The following IL1RAPL2 variants were observed in gnomAD, a reference collection of about 807,000 sequenced individuals.
IL1RAPL2 encodes the protein interleukin 1 receptor accessory protein like 2, also known as X-linked interleukin-1 receptor accessory protein-like 2.
A neutral mutation model predicts 44.1 loss-of-function variants in IL1RAPL2; 3 were observed. The ratio of observed to expected loss-of-function variants is 0.07; its 90% CI spans 0.03 to 0.18. The LOEUF (loss-of-function observed/expected upper bound fraction) is 0.18, where lower values mean the gene tolerates loss of function less well. Among genes scored for constraint, IL1RAPL2 ranks in the 10% least tolerant of loss-of-function variants. The probability of loss-of-function intolerance (pLI) is 1.00; values close to 1 mark genes in which losing one functional copy is unlikely to be tolerated. For missense variants in IL1RAPL2, 391 were observed against 496.4 expected (o/e 0.79, Z 2.02); for synonymous variants, 181 against 178.8 (o/e 1.01, Z -0.10).
intron 1 of IL1RAPL2, 34 bp from the exon 2 acceptor site, chrX:104,658,861 T>C: frequency 1.0e-6 from 1 of 1,000,341 alleles, no homozygotes; most frequent in Non-Finnish European, 1.4e-6. Context: ...AGATCTGTGG[T>C]TCAAACTTTA....
In IL1RAPL2 at chrX:105,230,986, C is replaced by T. The variant is rs140957827; in HGVS notation, c.357-2832C>T. On this transcript the variant is annotated intron_variant, in intron 3 of 10. Coordinates refer to ENST00000372582, the MANE Select transcript of IL1RAPL2 (RefSeq NM_017416.2). Reference sequence around the variant, plus strand: ...TTCTTTCAGAGCATTGAACATTTCACCTGCTTCTATTATTGAGATCTCTGG... The same window carrying T: ...TTCTTTCAGAGCATTGAACATTTCATCTGCTTCTATTATTGAGATCTCTGG... 3.4e-3 allele frequency among the ~76,000 whole-genome samples: 383 copies of T among 112,212 alleles called. 4 individuals are homozygous for T. In the Middle Eastern group the frequency reaches 0.041, roughly 12 times the overall value.
intron 2 of IL1RAPL2, among the ~76,000 whole-genome samples, chrX:104,880,933 A>AT (rs1273329170): frequency 1.8e-5 from 2 of 111,768 alleles, no homozygotes; most frequent in Non-Finnish European, 3.8e-5. Flanking sequence ...ACATAGATTG[A>AT]TTTTGAGTCC....
chrX:104,989,442 C>T (rs2030620251), intron 2 of IL1RAPL2, among the ~76,000 whole-genome samples: 1 of 111,466 alleles, frequency 9.0e-6, no homozygotes. Flanking sequence ...ATATTGTTGG[C>T]AAGGATAATT....
At chrX:105,496,536 G>A in intron 6 of IL1RAPL2, among the ~76,000 whole-genome samples, 1 of 112,119 alleles carries the variant, frequency 8.9e-6, no homozygotes, top group Non-Finnish European at 1.9e-5. Flanking sequence ...TATTTCCAAG[G>A]CATTCAAAGC....
intron 1 of IL1RAPL2, among the ~76,000 whole-genome samples, chrX:104,591,625 CTTT>C (rs35851660): frequency 1.2e-4 from 10 of 83,214 alleles, no homozygotes; most frequent in South Asian, 6.5e-4. Context: ...CCTTCTGTGG[CTTT>C]TTTTTTTTTT....
intron 2 of IL1RAPL2, among the ~76,000 whole-genome samples, chrX:104,778,783 A>G (rs1044273133): frequency 1.8e-5 from 2 of 109,924 alleles, no homozygotes; most frequent in African/African-American, 6.6e-5. Flanking sequence ...GACTGGGGCT[A>G]CCTTGGATTT....
intron 5 of IL1RAPL2, among the ~76,000 whole-genome samples, chrX:105,329,137 A>G (rs771764316): frequency 8.9e-6 from 1 of 112,451 alleles, no homozygotes; most frequent in African/African-American, 3.2e-5. Flanking sequence ...TTCAAAGTTC[A>G]TTAATCAACA....
In IL1RAPL2 at chrX:105,212,783, C is replaced by T. The variant is rs896335554; in HGVS notation, c.356+17035C>T. Among the ~76,000 whole-genome samples the T allele has an allele frequency of 2.1e-4, 24 of 112,216 alleles. 1 individual carries two copies. The highest frequency in any genetic ancestry group is 7.5e-4 in the African/African-American group (23 of 30,861). On this transcript the variant is annotated intron_variant, in intron 3 of 10. Transcript: ENST00000372582. The stretch of plus-strand genomic sequence containing the variant: ...GGGATGAAGCCTCCAGAGGAAGGAG[C>T]AGGCAGCAATTTTTGCTGTCCTGCA...
At chrX:104,585,156 TATACACACATATGTATATATACACAC>T (rs1240212912) in intron 1 of IL1RAPL2, among the ~76,000 whole-genome samples, 1 of 75,211 alleles carries the variant, frequency 1.3e-5, no homozygotes, top group Non-Finnish European at 2.3e-5. Flanking sequence ...CACACATATA[TATACACACATATGTATATATACACAC>T]ATACACACAT....
At chrX:104,959,735 T>A (rs1569351666) in intron 2 of IL1RAPL2, among the ~76,000 whole-genome samples, 1 of 111,029 alleles carries the variant, frequency 9.0e-6, no homozygotes, top group Non-Finnish European at 1.9e-5. Context: ...TACCTTAAGA[T>A]TTCATTCACT....
At chrX:105,337,868 G>A in intron 5 of IL1RAPL2, among the ~76,000 whole-genome samples, 1 of 102,802 alleles carries the variant, frequency 9.7e-6, no homozygotes, top group African/African-American at 4.4e-5. Context: ...TCCAGACTGG[G>A]AGAGAGAGTG....
At chrX:104,992,683 C>T (rs917496577) in intron 2 of IL1RAPL2, among the ~76,000 whole-genome samples, 4 of 110,575 alleles carry the variant, frequency 3.6e-5, no homozygotes, top group African/African-American at 1.3e-4. Context: ...AAGAATTTGA[C>T]GTTTCTCTTT....
At chrX:104,826,961 T>TTG (rs1282338351) in intron 2 of IL1RAPL2, among the ~76,000 whole-genome samples, 35 of 95,294 alleles carry the variant, frequency 3.7e-4, no homozygotes, top group Non-Finnish European at 6.9e-4. Flanking sequence ...TTTTTTTTTT[T>TTG]GCTTTCCATT....
At chrX:105,159,985 C>T (rs189700973) in intron 2 of IL1RAPL2, among the ~76,000 whole-genome samples, 1 of 91,235 alleles carries the variant, frequency 1.1e-5, no homozygotes, top group East Asian at 3.8e-4. Context: ...TTAAAGAACC[C>T]CCCCCCCCAC....
chrX:105,514,980 C>T (rs915892427), intron 6 of IL1RAPL2, among the ~76,000 whole-genome samples: 6 of 111,379 alleles, frequency 5.4e-5, no homozygotes, highest in Admixed American at 3.8e-4. Context: ...AAAGGTGGTG[C>T]GTAAGAAGAA....
intron 5 of IL1RAPL2, among the ~76,000 whole-genome samples, chrX:105,398,382 G>A (rs774315673): frequency 3.6e-5 from 4 of 110,613 alleles, no homozygotes; most frequent in Non-Finnish European, 5.7e-5. Context: ...TTTGCTGAAT[G>A]ATATAAGCAG....
chrX:105,113,045 A>T (rs1390030407), intron 2 of IL1RAPL2, among the ~76,000 whole-genome samples: 4 of 112,665 alleles, frequency 3.6e-5, no homozygotes, highest in Non-Finnish European at 5.6e-5. Flanking sequence ...AACCAAAAGC[A>T]AGCATCTTTG....
chrX:104,927,434 C>G (rs1204737270), intron 2 of IL1RAPL2, among the ~76,000 whole-genome samples: 1 of 111,178 alleles, frequency 9.0e-6, no homozygotes, highest in Non-Finnish European at 1.9e-5. Context: ...TTTATATTGC[C>G]CAAAGCACAT....
At chrX:105,125,720 A>G (rs2032968013) in intron 2 of IL1RAPL2, among the ~76,000 whole-genome samples, 1 of 110,497 alleles carries the variant, frequency 9.1e-6, no homozygotes, top group African/African-American at 3.3e-5. Flanking sequence ...CAACGAACTC[A>G]TATCAAAAAT....
Sources: allele counts gnomAD v4.1 joint callset (sites outside exome capture counted in the v4.1 genomes callset), GRCh38; gene constraint gnomAD v4.1.1; transcripts MANE v1.5; gene names NCBI Gene and HGNC (gene_info 2026-07-23, HGNC 2026-07-21).